The following MRPS27 variants were observed in gnomAD, a reference collection of about 807,000 sequenced individuals.
The protein encoded by MRPS27 is small ribosomal subunit protein mS27.
Under a neutral mutation model 48.9 loss-of-function variants are expected in MRPS27, and 43 were observed. That is an observed-to-expected ratio of 0.88 (90% CI 0.69 to 1.13). The LOEUF is 1.13. Ranked by LOEUF, MRPS27 falls within the 50% of genes most tolerant of loss-of-function variation. The pLI is 0.00. For missense variants in MRPS27, 467 were observed against 476.3 expected (o/e 0.98, Z 0.18); for synonymous variants, 188 against 171.9 (o/e 1.09, Z -0.73).
chr5:72,230,962 G>C (rs181554329), intron 7 of MRPS27, among the ~76,000 whole-genome samples: 2 of 151,882 alleles, frequency 1.3e-5, no homozygotes, highest in Non-Finnish European at 2.9e-5. Context: ...ATTATCCCTT[G>C]CTGAGATTCA....
intron 2 of MRPS27, among the ~76,000 whole-genome samples, chr5:72,307,745 A>G (rs549195297): frequency 6.6e-6 from 1 of 152,138 alleles, no homozygotes; most frequent in Non-Finnish European, 1.5e-5. Flanking sequence ...GGGGGCCGCA[A>G]TAAGGGCTTC....
At chr5:72,318,689 G>T (rs565234269) in intron 1 of MRPS27, among the ~76,000 whole-genome samples, 3 of 152,150 alleles carry the variant, frequency 2.0e-5, no homozygotes, top group African/African-American at 7.2e-5. Flanking sequence ...AGCTACTCGG[G>T]AGGCTGAGGC....
At chr5:72,221,510 T>C (rs1315206852) in intron 10 of MRPS27, among the ~76,000 whole-genome samples, 2 of 152,172 alleles carry the variant, frequency 1.3e-5, no homozygotes, top group East Asian at 3.9e-4. Context: ...TGTAATTTCT[T>C]GTTTTAAACC....
chr5:72,239,325 G>A (rs1748290757), intron 4 of MRPS27, among the ~76,000 whole-genome samples: 2 of 152,168 alleles, frequency 1.3e-5, no homozygotes, highest in African/African-American at 4.8e-5. Flanking sequence ...AGGAGAGGAA[G>A]TGAGAAATAG....
chr5:72,268,630 T>A (rs1291347909), intron 4 of MRPS27, among the ~76,000 whole-genome samples: 1 of 152,220 alleles, frequency 6.6e-6, no homozygotes, highest in Non-Finnish European at 1.5e-5. Flanking sequence ...AAATTATGGA[T>A]CAAGGTCTTC....
At chr5:72,282,980 A>G (rs754190611) in intron 4 of MRPS27, among the ~76,000 whole-genome samples, 3 of 152,228 alleles carry the variant, frequency 2.0e-5, no homozygotes, top group Non-Finnish European at 4.4e-5. Flanking sequence ...GTGAGAAACT[A>G]AACAAAAAGC....
intron 4 of MRPS27, among the ~76,000 whole-genome samples, chr5:72,266,674 A>G (rs1749114368): frequency 6.6e-6 from 1 of 152,204 alleles, no homozygotes; most frequent in Non-Finnish European, 1.5e-5. Context: ...CCTGGTTAAC[A>G]TGGTGAAACC....
chr5:72,243,791 T>C (rs1748429030), intron 4 of MRPS27, among the ~76,000 whole-genome samples: 1 of 152,194 alleles, frequency 6.6e-6, no homozygotes. Context: ...TTTTAAAAAA[T>C]TAAAGTCAAG....
chr5:72,221,234 G>A (rs765870402), intron 10 of MRPS27, 86 bp from the exon 11 acceptor site: 38 of 1,501,938 alleles, frequency 2.5e-5, no homozygotes, highest in Non-Finnish European at 3.2e-5. Context: ...CTGAGTGACT[G>A]ACTTTAGATT....
intron 4 of MRPS27, among the ~76,000 whole-genome samples, chr5:72,272,926 T>C (rs975702464): frequency 1.3e-5 from 2 of 152,122 alleles, no homozygotes; most frequent in African/African-American, 4.8e-5. Flanking sequence ...AATACATGAG[T>C]ATATATACTA....
intron 2 of MRPS27, 28 bp from the exon 3 acceptor site, chr5:72,297,730 C>G (rs1441609656): frequency 2.7e-6 from 4 of 1,460,534 alleles, no homozygotes; most frequent in Admixed American, 2.0e-5. Context: ...GAAAAAAAAC[C>G]TTGTTAAAGA....
chr5:72,318,934 T>C (rs1025546691), intron 1 of MRPS27, among the ~76,000 whole-genome samples: 2 of 152,200 alleles, frequency 1.3e-5, no homozygotes, highest in African/African-American at 4.8e-5. Context: ...GCGTTGTGCA[T>C]AACACTGCCT....
intron 3 of MRPS27, 98 bp downstream of exon 3, chr5:72,297,534 T>C (rs1190999020): frequency 5.8e-6 from 4 of 692,900 alleles, no homozygotes; most frequent in Non-Finnish European, 7.1e-6. Context: ...ATATTTCCTA[T>C]GCAAACTATT....
intron 4 of MRPS27, among the ~76,000 whole-genome samples, chr5:72,250,894 C>A (rs940006341): frequency 6.6e-6 from 1 of 152,178 alleles, no homozygotes; most frequent in Non-Finnish European, 1.5e-5. Flanking sequence ...GAGAGAACTT[C>A]TCCTATGTTA....
chr5:72,303,211 T>C (rs182480113), intron 2 of MRPS27, among the ~76,000 whole-genome samples: 3 of 152,356 alleles, frequency 2.0e-5, no homozygotes, highest in Admixed American at 6.5e-5. Context: ...TGGAGATGAC[T>C]TTATGGACAT....
chr5:72,297,763 G>T, intron 2 of MRPS27, 61 bp from the exon 3 acceptor site: 2 of 1,027,872 alleles, frequency 1.9e-6, no homozygotes, highest in Non-Finnish European at 2.8e-6. Context: ...TACAATTCTT[G>T]CCAGATGGCT....
At chr5:72,268,878 ATT>A in intron 4 of MRPS27, among the ~76,000 whole-genome samples, 1 of 152,268 alleles carries the variant, frequency 6.6e-6, no homozygotes, top group Middle Eastern at 3.4e-3. Context: ...AGAGAGGTTT[ATT>A]TATTCTCACT....
At chr5:72,280,944 G>C (rs1482809769) in intron 4 of MRPS27, among the ~76,000 whole-genome samples, 2 of 152,186 alleles carry the variant, frequency 1.3e-5, no homozygotes, top group Admixed American at 1.3e-4. Context: ...TTGATTTGCT[G>C]TCTTTTAGGG....
At chr5:72,284,248 A>T (rs1266270170) in intron 4 of MRPS27, among the ~76,000 whole-genome samples, 2 of 132,638 alleles carry the variant, frequency 1.5e-5, no homozygotes, top group African/African-American at 5.7e-5. Context: ...CCCCATCTCT[A>T]AAAAAAAAAA....
Sources: allele counts gnomAD v4.1 joint callset (sites outside exome capture counted in the v4.1 genomes callset), GRCh38; gene constraint gnomAD v4.1.1; transcripts MANE v1.5; gene names NCBI Gene and HGNC (gene_info 2026-07-23, HGNC 2026-07-21).